The following CSMD1 variants were observed in gnomAD, a reference collection of about 807,000 sequenced individuals.
CSMD1 encodes the protein CUB and Sushi multiple domains 1.
CSMD1 carries 213 observed loss-of-function variants against 417.5 expected under a neutral mutation model. The observed-to-expected ratio is 0.51, with a 90% CI of 0.46 to 0.57. The LOEUF (loss-of-function observed/expected upper bound fraction) is 0.57. CSMD1 is among the 20% of genes least tolerant of loss of function. The pLI is 0.00. For missense variants in CSMD1, 6,923 were observed against 4,529.7 expected (o/e 1.53, Z -15.17); for synonymous variants, 2,862 against 1,736.8 (o/e 1.65, Z -16.11).
At chr8:3,661,653 C>T (rs188224813) in intron 7 of CSMD1, among the ~76,000 whole-genome samples, 5 of 152,144 alleles carry the variant, frequency 3.3e-5, no homozygotes, top group South Asian at 4.2e-4. Context: ...TCCACCATCT[C>T]GCCCAGCTAA....
chr8:4,548,067 A>C (rs1363372385), intron 2 of CSMD1, among the ~76,000 whole-genome samples: 1 of 152,162 alleles, frequency 6.6e-6, no homozygotes, highest in Non-Finnish European at 1.5e-5. Flanking sequence ...ATTAAATAAA[A>C]GGCACAGTGT....
rs1376760617 is a variant in CSMD1 at position 3,442,837 on chromosome 8, TTTTG to T, written c.1561+25871_1561+25874del. 5.9e-5 allele frequency among the ~76,000 whole-genome samples: 9 copies of T among 151,954 alleles called. No individual in the cohort carries two copies. In the South Asian group the frequency reaches 1.2e-3, roughly 21 times the overall value. The stretch of plus-strand genomic sequence containing the variant: ...AGAGATATTAGTACATAGATTTTTT[TTTTG>T]TTATGTCTGTACCTGGTTTTGGCCT... On this transcript the variant is annotated intron_variant, in intron 12 of 69. Transcript: ENST00000635120.
In CSMD1 at chr8:4,854,114, A is replaced by C. The variant is rs368258408; in HGVS notation, c.85+140218T>G. 2.6e-5 allele frequency among the ~76,000 whole-genome samples: 4 copies of C among 152,254 alleles called. No individual in the cohort carries two copies. In the East Asian group the frequency reaches 7.7e-4, roughly 29 times the overall value. On this transcript the variant is annotated intron_variant, in intron 1 of 69. Transcript: ENST00000635120. The stretch of plus-strand genomic sequence containing the variant: ...TTGGACATGAGACATAGAACTTTTG[A>C]GTTAATGCAGAAGTGAGTTAAGATT...
intron 1 of CSMD1, among the ~76,000 whole-genome samples, chr8:4,858,481 G>C (rs908765957): frequency 2.0e-5 from 3 of 151,312 alleles, no homozygotes; most frequent in Admixed American, 2.0e-4. Context: ...AATTGTCCCT[G>C]TTTGCAGACG....
chr8:4,534,983 G>A lies in CSMD1; in HGVS notation c.302+102359C>T, dbSNP rs765366909. Among the ~76,000 whole-genome samples the A allele has an allele frequency of 2.6e-5, 4 of 152,048 alleles. No homozygotes were observed. The East Asian group carries it at 7.8e-4, about 30-fold the overall frequency. ...TCCCCATGTTAGCCAGGATGGTCTC[G>A]ATTTCCTGACCTCGTGATCTGCCTG... On this transcript the variant is annotated intron_variant, in intron 2 of 69. Coordinates refer to ENST00000635120, the MANE Select transcript of CSMD1 (RefSeq NM_033225.6).
Position 4,757,866 on chromosome 8 carries a change from G to C in CSMD1, c.86-120308C>G, listed in dbSNP as rs540039960. 7.5e-5 allele frequency among the ~76,000 whole-genome samples: 11 copies of C among 147,286 alleles called. No homozygotes were observed. In the South Asian group the frequency reaches 2.2e-3, roughly 29 times the overall value. Reference sequence around the variant, plus strand: ...CCCAGCTACTGGGGAAGCTGAGGCAGAAGAATCGCTTGAACCTGGGAGGCA... The same window carrying C: ...CCCAGCTACTGGGGAAGCTGAGGCACAAGAATCGCTTGAACCTGGGAGGCA... On this transcript the variant is annotated intron_variant, in intron 1 of 69. Coordinates refer to ENST00000635120, the MANE Select transcript of CSMD1 (RefSeq NM_033225.6).
intron 2 of CSMD1, among the ~76,000 whole-genome samples, chr8:4,464,052 G>A (rs1005036533): frequency 6.6e-6 from 1 of 151,954 alleles, no homozygotes; most frequent in Admixed American, 6.6e-5. Flanking sequence ...TAAAAAAAAA[G>A]GAATATGGTA....
At chr8:4,290,405 C>G (rs990097888) in intron 3 of CSMD1, among the ~76,000 whole-genome samples, 1 of 152,154 alleles carries the variant, frequency 6.6e-6, no homozygotes, top group Non-Finnish European at 1.5e-5. Flanking sequence ...AAACACAGAT[C>G]AGAAAGGTCT....
chr8:3,084,281 T>C (rs184140440), intron 49 of CSMD1, among the ~76,000 whole-genome samples: 138 of 152,190 alleles, frequency 9.1e-4, no homozygotes, highest in African/African-American at 3.2e-3. Context: ...CCCAGCACTT[T>C]GGGAGGCTGA....
chr8:4,316,828 G>T lies in CSMD1; in HGVS notation c.415+103125C>A, dbSNP rs993931769. 2.6e-5 allele frequency among the ~76,000 whole-genome samples: 4 copies of T among 152,150 alleles called. No individual in the cohort carries two copies. The East Asian group carries it at 7.7e-4, about 29-fold the overall frequency. On this transcript the variant is annotated intron_variant, in intron 3 of 69. Transcript: ENST00000635120. ...CCCTCAAAGTCAGCACTCGGTAAAC[G>T]CAAAATAATTGGTAGCTGCTTCTAT...
At chr8:3,821,354 C>A (rs923996726) in intron 5 of CSMD1, among the ~76,000 whole-genome samples, 1 of 152,150 alleles carries the variant, frequency 6.6e-6, no homozygotes, top group Admixed American at 6.5e-5. Flanking sequence ...GCATGAGACC[C>A]GTCTAAGACT....
At chr8:4,768,023 G>C (rs943558327) in intron 1 of CSMD1, among the ~76,000 whole-genome samples, 1 of 152,184 alleles carries the variant, frequency 6.6e-6, no homozygotes, top group Non-Finnish European at 1.5e-5. Flanking sequence ...ACGTTCAACA[G>C]ACACATGCGT....
intron 1 of CSMD1, among the ~76,000 whole-genome samples, chr8:4,675,369 T>C (rs559578067): frequency 7.2e-5 from 11 of 152,242 alleles, no homozygotes; most frequent in Admixed American, 2.0e-4. Flanking sequence ...ATTTGAAAAA[T>C]ACAGGGCAAA....
chr8:3,094,537 C>T (rs1353545079), intron 47 of CSMD1, among the ~76,000 whole-genome samples: 2 of 152,046 alleles, frequency 1.3e-5, no homozygotes, highest in South Asian at 4.1e-4. Flanking sequence ...GTGCAGAAAA[C>T]CAGCACGGCA....
chr8:4,732,636 G>A (rs1430011068), intron 1 of CSMD1, among the ~76,000 whole-genome samples: 1 of 152,032 alleles, frequency 6.6e-6, no homozygotes, highest in East Asian at 1.9e-4. Context: ...AAGGCCCCTG[G>A]GAATCGTGAG....
At chr8:4,454,183 C>T (rs887735056) in intron 2 of CSMD1, among the ~76,000 whole-genome samples, 3 of 152,014 alleles carry the variant, frequency 2.0e-5, no homozygotes, top group African/African-American at 7.2e-5. Context: ...CAGTTCCTAC[C>T]CCATTCTGCA....
At chr8:3,236,214 C>G (rs185416753) in intron 26 of CSMD1, among the ~76,000 whole-genome samples, 1 of 151,972 alleles carries the variant, frequency 6.6e-6, no homozygotes, top group Admixed American at 6.6e-5. Context: ...CACCGCGCCT[C>G]GCCGAAAATG....
chr8:4,301,158 T>C (rs1797960619), intron 3 of CSMD1, among the ~76,000 whole-genome samples: 1 of 152,138 alleles, frequency 6.6e-6, no homozygotes, highest in Non-Finnish European at 1.5e-5. Context: ...ATTGTTGTGA[T>C]GGAAAAGAAC....
chr8:3,494,175 A>G (rs115624633), intron 10 of CSMD1, among the ~76,000 whole-genome samples: 2,257 of 152,090 alleles, frequency 0.015, 57 homozygotes, highest in African/African-American at 0.046. Context: ...TTAGCACCCC[A>G]AAAGACTTTA....
Sources: allele counts gnomAD v4.1 joint callset (sites outside exome capture counted in the v4.1 genomes callset), GRCh38; gene constraint gnomAD v4.1.1; transcripts MANE v1.5; gene names NCBI Gene and HGNC (gene_info 2026-07-23, HGNC 2026-07-21).